STAB1: variants seen among roughly 807,000 people sequenced by gnomAD.
STAB1 encodes stabilin-1.
In STAB1, 250 loss-of-function variants were observed where a neutral mutation model predicts 332.4. That is an observed-to-expected ratio of 0.75 (90% CI 0.68 to 0.84). The LOEUF (loss-of-function observed/expected upper bound fraction) is 0.84, where lower values mean the gene tolerates loss of function less well. Ranked by LOEUF, STAB1 falls within the 40% of genes least tolerant of loss-of-function variation. The probability of loss-of-function intolerance (pLI) is 0.00; values close to 1 mark genes in which losing one functional copy is unlikely to be tolerated. For synonymous variants in STAB1, 1,475 were observed against 1,390.4 expected, an observed-to-expected ratio of 1.06 and a Z score of -1.35; for missense variants, 3,249 against 3,489.7, an observed-to-expected ratio of 0.93 and a Z score of 1.74.
rs764463216 is a variant in STAB1, at chr3:52,506,688, G to A, written c.1831-4G>A. 2.4e-5 allele frequency: 38 copies of A among 1,605,994 alleles called. No individual in the cohort carries two copies. Among genetic ancestry groups the A allele is most frequent in the Middle Eastern group, 3.5e-4 (2 of 5,738 alleles). On this transcript the variant is annotated splice_polypyrimidine_tract_variant and splice_region_variant and intron_variant, in intron 17 of 68. Transcript: ENST00000321725. ...GGGGTTGGCTCAGTGGGTCTCTGCC[G>A]CAGGGGCGCATCCTGCTGGGACCCG...
At chr3:52,501,565 C>T in intron 2 of STAB1, 73 bp from the exon 3 acceptor site, 1 of 1,400,452 alleles carries the variant, frequency 7.1e-7, no homozygotes, top group Non-Finnish European at 9.8e-7. Flanking sequence ...GCCCCGGAAG[C>T]CAATGTGGGG....
Position 52,522,652 on chromosome 3 carries a change from C to A in STAB1, c.6708C>A (p.Val2236=), listed in dbSNP as rs753914033. The A allele has an allele frequency of 1.2e-6, 2 of 1,612,970 alleles. No homozygotes were observed. Residue 2236 remains valine, a synonymous_variant, in exon 61 of 69, where the codon GTC becomes GTA. Transcript: ENST00000321725. ...CGGCATGCGAAGCACAGGGAGCCGT[C>A]CTTGCTTCATTCCCTCAGCTCTCTG... The part of the protein sequence containing the change: ...AEAACEAQGA[V]LASFPQLSAA...
chr3:52,507,631 C>A lies in STAB1; in HGVS notation c.2008C>A (p.Gln670Lys), dbSNP rs1708972796. ...TGCCCAGGGCTCCTGTGTGGACTGC[C>A]AAGCCCTGAACACCAGCACGTGTCC... ...KIVAGSCVDC[Q>K]ALNTSTCPPN... The change falls in exon 19 of 69, where the codon CAA becomes AAA. Residue 670 changes from glutamine (Q) to lysine (K), a missense_variant. Coordinates refer to ENST00000321725, the MANE Select transcript of STAB1 (RefSeq NM_015136.3). 3 of 1,613,568 alleles carry A rather than the reference C, an allele frequency of 1.9e-6. No individual in the cohort carries two copies. Among genetic ancestry groups the A allele is most frequent in the Non-Finnish European group, 1.7e-6 (2 of 1,180,002 alleles).
At chr3:52,495,612 C>A in intron 1 of STAB1, 121 bp downstream of exon 1, 1 of 935,500 alleles carries the variant, frequency 1.1e-6, no homozygotes, top group Non-Finnish European at 1.4e-6. Context: ...TGGCGCCTGT[C>A]TGGCCTCTTA....
At chr3:52,520,181 C>G (rs1378885478) in intron 51 of STAB1, 23 bp from the exon 52 acceptor site, 1 of 1,613,184 alleles carries the variant, frequency 6.2e-7, no homozygotes, top group Admixed American at 1.7e-5. Context: ...TTTCCACCTC[C>G]AACCATGACT....
chr3:52,509,346 CT>C (rs1239818804), intron 22 of STAB1, 25 bp downstream of exon 22: 1 of 1,604,946 alleles, frequency 6.2e-7, no homozygotes, highest in South Asian at 1.1e-5. Context: ...CTCAGGCCAC[CT>C]CCTAGGGAGA....
At chr3:52,517,201 G>A in intron 42 of STAB1, 92 bp downstream of exon 42, 2 of 1,502,600 alleles carry the variant, frequency 1.3e-6, no homozygotes, top group South Asian at 1.4e-5. Flanking sequence ...AGGGGCACAT[G>A]GGACTTGTGG....
rs768537830 is a variant in STAB1, at chr3:52,517,348, G to A, written c.4518G>A (p.Gly1506=). The change falls in exon 43 of 69, where the codon GGG becomes GGA. Residue 1506 remains glycine, a synonymous_variant. Transcript: ENST00000321725. The stretch of plus-strand genomic sequence containing the variant: ...TTAACAGCTGTCTCATCCACCACGG[G>A]GGCTGCCACATTCACGCCGAGTGCA... ...QEINSCLIHH[G]GCHIHAECIP... is the part of the protein sequence containing the mutation. 5 of 1,602,518 alleles carry A rather than the reference G, an allele frequency of 3.1e-6. No homozygotes were observed. In the South Asian group the frequency reaches 3.4e-5, roughly 11 times the overall value.
In STAB1 at chr3:52,523,906, G is replaced by A. The variant is rs771807856; in HGVS notation, c.7431G>A (p.Ala2477=). 26 of 1,606,924 alleles carry A rather than the reference G, an allele frequency of 1.6e-5. No individual in the cohort carries two copies. The highest frequency in any genetic ancestry group is 3.3e-4 in the Middle Eastern group (2 of 6,082). ...TGGCGCCTGAAGCCCCACCTGTGGC[G>A]GCAGGCGTGGGGGCTGTGCTTGCCG... ...AVLAPEAPPV[A]AGVGAVLAAG... The change falls in exon 67 of 69, where the codon GCG becomes GCA. Residue 2477 remains alanine, a synonymous_variant. Transcript: ENST00000321725.
rs1003302622 is a variant in STAB1, at chr3:52,510,184, C to T, written c.2577C>T (p.Cys859=). 2 of 1,613,916 alleles carry T rather than the reference C, an allele frequency of 1.2e-6. No homozygotes were observed. Among genetic ancestry groups the T allele is most frequent in the Non-Finnish European group, 1.7e-6 (2 of 1,180,034 alleles). The change falls in exon 24 of 69, where the codon TGC becomes TGT. Residue 859 remains cysteine, a synonymous_variant. Transcript: ENST00000321725. ...GCTTTGAGGGTGATGGCTTCTCCTG[C>T]ACACCTAGCAACCCCTGCTCCCACC... The part of the protein sequence containing the change: ...LDGFEGDGFS[C]TPSNPCSHPD...
chr3:52,507,257 C>T (rs1708944677), intron 18 of STAB1, among the ~76,000 whole-genome samples: 1 of 152,190 alleles, frequency 6.6e-6, no homozygotes, highest in Non-Finnish European at 1.5e-5. Context: ...GTTGGCCAGG[C>T]TGGTTTCAAA....
At chr3:52,515,395 G>A (rs2078826850) in intron 36 of STAB1, 28 bp from the exon 37 acceptor site, 4 of 1,609,766 alleles carry the variant, frequency 2.5e-6, no homozygotes, top group Non-Finnish European at 3.4e-6. Context: ...GCCACTGGCT[G>A]ACCCCTCCTG....
chr3:52,518,969 C>A, intron 48 of STAB1, 100 bp downstream of exon 48: 1 of 1,361,002 alleles, frequency 7.3e-7, no homozygotes, highest in Non-Finnish European at 9.7e-7. Flanking sequence ...AGAACCCCAC[C>A]TCCCCTAGCC....
intron 13 of STAB1, 50 bp from the exon 14 acceptor site, chr3:52,505,269 A>C: frequency 4.3e-6 from 7 of 1,611,014 alleles, no homozygotes; most frequent in Non-Finnish European, 5.9e-6. Context: ...CGCTGGGCTG[A>C]AGCAGCCTCA....
intron 51 of STAB1, 36 bp from the exon 52 acceptor site, chr3:52,520,168 G>A (rs1394481998): frequency 1.9e-6 from 3 of 1,613,060 alleles, no homozygotes; most frequent in East Asian, 2.2e-5. Flanking sequence ...AGCTCAGCCT[G>A]CCTTTCCACC....
At chr3:52,515,182 C>A in intron 36 of STAB1, 137 bp downstream of exon 36, 2 of 1,165,404 alleles carry the variant, frequency 1.7e-6, no homozygotes, top group Non-Finnish European at 2.4e-6. Flanking sequence ...GGCTGACGTC[C>A]CCATAGAGGT....
At chr3:52,513,511 C>A (rs1286593970) in intron 30 of STAB1, among the ~76,000 whole-genome samples, 1 of 152,188 alleles carries the variant, frequency 6.6e-6, no homozygotes, top group Non-Finnish European at 1.5e-5. Flanking sequence ...TGGGGAGGGT[C>A]TGTGTGCCCA....
In STAB1 at chr3:52,515,045, G is replaced by A. The variant is rs146156770; in HGVS notation, c.3864G>A (p.Gln1288=). The A allele has an allele frequency of 7.4e-6, 12 of 1,613,424 alleles. No individual in the cohort carries two copies. In the South Asian group the frequency reaches 9.9e-5, roughly 13 times the overall value. Residue 1288 remains glutamine (Q), a splice_region_variant and synonymous_variant, in exon 36 of 69, where the codon CAG becomes CAA. Transcript: ENST00000321725. ...GCTGCACTCAGGGCTTCCAGCTGCA[G>A]GTGAGACTGGGCTTAGCGCAGCTCT... ...RFRCTQGFQL[Q]DTPRKSCVYR...
chr3:52,514,888 C>G (rs554681253), intron 35 of STAB1, 59 bp downstream of exon 35: 65 of 1,612,592 alleles, frequency 4.0e-5, no homozygotes, highest in Admixed American at 2.8e-4. Context: ...GAGGGCCTAG[C>G]TGACCTGACT....
Sources: allele counts gnomAD v4.1 joint callset (sites outside exome capture counted in the v4.1 genomes callset), GRCh38; gene constraint gnomAD v4.1.1; transcripts MANE v1.5; gene names NCBI Gene and HGNC (gene_info 2026-07-23, HGNC 2026-07-21).